LARGE1: variants seen among roughly 807,000 people sequenced by gnomAD.
LARGE1 encodes the protein LARGE xylosyl- and glucuronyltransferase 1, also known as xylosyl- and glucuronyltransferase LARGE1.
LARGE1 carries 43 observed loss-of-function variants against 87.6 expected under a neutral mutation model. That is an observed-to-expected ratio of 0.49 (90% CI 0.38 to 0.63). LARGE1 has a LOEUF of 0.63. LARGE1 is among the 30% of genes least tolerant of loss of function. LARGE1 has a pLI of 0.00. For missense variants in LARGE1, 802 were observed against 1,000.2 expected (o/e 0.80, Z 2.67); for synonymous variants, 434 against 394.6 (o/e 1.10, Z -1.18).
At chr22:33,539,120 CAT>C (rs1381129718) in intron 6 of LARGE1, among the ~76,000 whole-genome samples, 3 of 152,076 alleles carry the variant, frequency 2.0e-5, no homozygotes, top group East Asian at 1.9e-4. Flanking sequence ...TATAAACATA[CAT>C]ACACACATAT....
chr22:33,399,783 C>T (rs991909496), intron 7 of LARGE1, among the ~76,000 whole-genome samples: 33 of 152,272 alleles, frequency 2.2e-4, no homozygotes, highest in African/African-American at 7.2e-4. Flanking sequence ...CTCCTGACCT[C>T]GTGATCTGCC....
chr22:33,763,348 A>G (rs928911926), intron 1 of LARGE1, among the ~76,000 whole-genome samples: 11 of 152,326 alleles, frequency 7.2e-5, no homozygotes, highest in Non-Finnish European at 1.3e-4. Flanking sequence ...TCTAAATGGA[A>G]TTCTTTTGGA....
chr22:33,830,783 G>A (rs1030181305), intron 1 of LARGE1, among the ~76,000 whole-genome samples: 2 of 152,218 alleles, frequency 1.3e-5, no homozygotes, highest in African/African-American at 4.8e-5. Flanking sequence ...TTAAGATCAG[G>A]AAGCAGCAGA....
chr22:33,501,475 G>C (rs2070433856), intron 6 of LARGE1, among the ~76,000 whole-genome samples: 1 of 152,182 alleles, frequency 6.6e-6, no homozygotes, highest in Admixed American at 6.5e-5. Flanking sequence ...ATGGAGATGA[G>C]GGAGGATTAA....
At chr22:33,715,525 C>T (rs908329306) in intron 2 of LARGE1, among the ~76,000 whole-genome samples, 3 of 152,184 alleles carry the variant, frequency 2.0e-5, no homozygotes, top group Non-Finnish European at 4.4e-5. Flanking sequence ...AACAAACATT[C>T]TTCCATAGCC....
chr22:33,346,596 C>T (rs1939796212), intron 9 of LARGE1, among the ~76,000 whole-genome samples: 1 of 152,212 alleles, frequency 6.6e-6, no homozygotes, highest in African/African-American at 2.4e-5. Flanking sequence ...AGCCTCCGCG[C>T]CTGGCCTCCT....
chr22:33,826,542 C>A (rs543715394), intron 1 of LARGE1, among the ~76,000 whole-genome samples: 3 of 152,068 alleles, frequency 2.0e-5, no homozygotes, highest in African/African-American at 7.2e-5. Flanking sequence ...AGAATTTCAC[C>A]ATCTTGGCCA....
At chr22:33,646,008 T>C (rs963152323) in intron 3 of LARGE1, among the ~76,000 whole-genome samples, 3 of 152,168 alleles carry the variant, frequency 2.0e-5, no homozygotes, top group South Asian at 2.1e-4. Flanking sequence ...GTAAATAAGT[T>C]CAATCATTGT....
At chr22:33,116,158 C>T in the LARGE1 span, 2 of 152,160 alleles carry the variant, frequency 1.3e-5, no homozygotes, top group Non-Finnish European at 2.9e-5. Flanking sequence ...AATGGCAGGA[C>T]ACCGTCTTTC....
intron 11 of LARGE1, among the ~76,000 whole-genome samples, chr22:33,177,384 G>T (rs1350000418): frequency 6.6e-6 from 1 of 152,130 alleles, no homozygotes; most frequent in Non-Finnish European, 1.5e-5. Flanking sequence ...TAATATATTA[G>T]AGAGAACATT....
intron 12 of LARGE1, among the ~76,000 whole-genome samples, chr22:33,294,328 G>C (rs1303245943): frequency 1.3e-5 from 2 of 151,662 alleles, no homozygotes; most frequent in Admixed American, 6.5e-5. Context: ...CGGAGCCCTG[G>C]GTTTCCACAG....
At chr22:33,774,546 G>C (rs867442199) in intron 1 of LARGE1, among the ~76,000 whole-genome samples, 15,270 of 151,860 alleles carry the variant, frequency 0.1, 901 homozygotes, top group South Asian at 0.25. Flanking sequence ...TAGTAGAGAT[G>C]GGGGTTTCAC....
chr22:33,398,375 C>T (rs2065821216), intron 7 of LARGE1, among the ~76,000 whole-genome samples: 1 of 152,156 alleles, frequency 6.6e-6, no homozygotes, highest in Non-Finnish European at 1.5e-5. Context: ...GTCCCTGACA[C>T]TCCCCCAACC....
the LARGE1 span, among the ~76,000 whole-genome samples, chr22:33,101,270 G>T: frequency 6.6e-6 from 1 of 152,044 alleles, no homozygotes; most frequent in African/African-American, 2.4e-5. Context: ...ATGGACTAAA[G>T]ACCTAAATGC....
chr22:33,845,525 C>A (rs533467530), intron 1 of LARGE1, among the ~76,000 whole-genome samples: 76 of 152,118 alleles, frequency 5.0e-4, no homozygotes, highest in African/African-American at 1.6e-3. Context: ...TCAGGCTGGT[C>A]TCGAACTCCT....
intron 6 of LARGE1, among the ~76,000 whole-genome samples, chr22:33,558,882 T>C (rs143093598): frequency 2.9e-4 from 44 of 152,338 alleles, no homozygotes; most frequent in African/African-American, 1.0e-3. Context: ...ACATTAACGA[T>C]GTCTGCCATC....
chr22:33,572,228 T>A, intron 5 of LARGE1: 1 of 1,281,100 alleles, frequency 7.8e-7, no homozygotes. Flanking sequence ...AGCTGCAGAA[T>A]GTTTGAAAAG....
intron 9 of LARGE1, among the ~76,000 whole-genome samples, chr22:33,354,533 T>C (rs1940709580): frequency 6.6e-6 from 1 of 152,226 alleles, no homozygotes; most frequent in African/African-American, 2.4e-5. Flanking sequence ...CGTTAACCTA[T>C]CGATGACATT....
At chr22:33,750,296 T>C (rs563663979) in intron 2 of LARGE1, among the ~76,000 whole-genome samples, 19 of 152,322 alleles carry the variant, frequency 1.2e-4, no homozygotes, top group Non-Finnish European at 2.1e-4. Context: ...GCTACTATGA[T>C]GAAATGAGGG....
Sources: gnomAD v4.1 joint callset for allele counts (sites outside exome capture counted in the v4.1 genomes callset) on GRCh38, gnomAD v4.1.1 for gene constraint, MANE v1.5 for transcripts, NCBI Gene and HGNC (gene_info 2026-07-23, HGNC 2026-07-21) for gene names.